Variants in PF4 observed in about 807,000 individuals in gnomAD.
The protein encoded by PF4 is C-X-C motif chemokine 4.
A neutral mutation model predicts 6.9 loss-of-function variants in PF4; 8 were observed. The ratio of observed to expected loss-of-function variants is 1.16; its 90% CI spans 0.68 to 2.09. The LOEUF is 2.09. PF4 is among the 30% of genes most tolerant of loss of function. The pLI is 0.00. For synonymous variants in PF4, 55 were observed against 56.5 expected (o/e 0.97, Z 0.12); for missense variants, 111 against 122.9 (o/e 0.90, Z 0.46).
chr4:73,982,075 T>TC (rs1718820267), upstream of PF4: 1 of 723,302 alleles, frequency 1.4e-6, no homozygotes, highest in Non-Finnish European at 2.2e-6. Flanking sequence ...GTCCTTCCAG[T>TC]CCGGAAGCCT....
chr4:73,981,887 G>T lies in PF4; in HGVS notation c.67C>A (p.Pro23Thr), dbSNP rs1435432571. 7.7e-6 allele frequency: 12 copies of T among 1,551,346 alleles called. No homozygotes were observed. The highest frequency in any genetic ancestry group is 7.8e-6 in the Non-Finnish European group (9 of 1,146,934). ...GLLFLGLLLLPLVVAFASAEA... is the reference protein window; with the variant it reads ...GLLFLGLLLLTLVVAFASAEA... ...CCGCTGGCGAAGGCGACCACAAGTGGCAGGAGCAGCAACCCCAGGAACAGC... is the reference window on the plus strand; with the variant it reads ...CCGCTGGCGAAGGCGACCACAAGTGTCAGGAGCAGCAACCCCAGGAACAGC... Residue 23 changes from proline to threonine, a missense_variant, in exon 1 of 3, where the codon CCA becomes ACA. Physicochemically the swap from Pro to Thr is conservative, Grantham distance 38. Coordinates refer to ENST00000296029, the MANE Select transcript of PF4 (RefSeq NM_002619.4).
chr4:73,981,738 C>T (rs1560544294), intron 1 of PF4, 125 bp downstream of exon 1: 1 of 1,476,280 alleles, frequency 6.8e-7, no homozygotes, highest in South Asian at 1.4e-5. Flanking sequence ...TGTGGCCAGA[C>T]ACTCAGCAGG....
In PF4 at chr4:73,982,003, C is replaced by T. The variant is rs1365515428; in HGVS notation, c.-50G>A. The T allele has an allele frequency of 2.0e-6, 3 of 1,471,776 alleles. No individual in the cohort carries two copies. In the African/African-American group the frequency reaches 4.2e-5, roughly 21 times the overall value. The allele number at this position is 1,471,776 out of a possible 1,614,324, so 91.2% of individuals were successfully genotyped here. A position where few individuals can be genotyped will look rare whatever the true frequency, so the allele number is the denominator to read the frequency against. ...TCTCAGTGCTCAGTGCGATGGGAAA[C>T]TCGGGCTGGGTCTCTGTGGCCAATG... On this transcript the variant is annotated 5_prime_UTR_variant, in exon 1 of 3. Coordinates refer to ENST00000296029, the MANE Select transcript of PF4 (RefSeq NM_002619.4).
intron 1 of PF4, 56 bp downstream of exon 1, chr4:73,981,807 C>T (rs1367351737): frequency 6.5e-7 from 1 of 1,541,324 alleles, no homozygotes; most frequent in Non-Finnish European, 8.8e-7. Flanking sequence ...AGCCCCAGGG[C>T]TTCCCGGACT....
rs1718776722 is a variant in PF4, at chr4:73,981,247, GCTTGCAGGTCCAAGCAAATTTTC to G, written c.240_262del (p.Arg80SerfsTer9). The stretch of plus-strand genomic sequence containing the variant: ...CTTAATTATTTTCTTGTACAGCGGG[GCTTGCAGGTCCAAGCAAATTTTC>G]CTTCCATTCTTCAGCGTGGCTCTGG... On this transcript the variant is annotated frameshift_variant, in exon 3 of 3. Transcript: ENST00000296029. LOFTEE classifies it low-confidence loss of function (END_TRUNC). The G allele has an allele frequency of 6.2e-7, 1 of 1,614,204 alleles. No individual in the cohort carries two copies. The highest frequency in any genetic ancestry group is 8.5e-7 in the Non-Finnish European group (1 of 1,180,010).
At chr4:73,982,115 A>G (rs1718823151), upstream of PF4, 3 of 359,206 alleles carry the variant, frequency 8.4e-6, no homozygotes, top group Non-Finnish European at 1.6e-5. Flanking sequence ...TGCGGTGCGG[A>G]AACTAAGATA....
intron 1 of PF4, 121 bp downstream of exon 1, chr4:73,981,742 C>G: frequency 3.4e-6 from 5 of 1,478,300 alleles, no homozygotes; most frequent in Non-Finnish European, 4.5e-6. Context: ...GCCAGACACT[C>G]AGCAGGCTCT....
intron 1 of PF4, 80 bp downstream of exon 1, chr4:73,981,783 G>A (rs1718803551): frequency 1.3e-6 from 2 of 1,519,546 alleles, no homozygotes; most frequent in Admixed American, 2.1e-5. Flanking sequence ...CATGATCCTA[G>A]AGGATTCCTC....
chr4:73,981,270 C>A lies in PF4; in HGVS notation c.240G>T (p.Arg80Ser), dbSNP rs4694. The change falls in exon 3 of 3, where the codon AGG (arginine) becomes AGT (serine). Residue 80 changes from arginine (R) to serine (S), a missense_variant. Coordinates refer to ENST00000296029, the MANE Select transcript of PF4 (RefSeq NM_002619.4). The part of the protein sequence containing the change: ...AQLIATLKNG[R>S]KICLDLQAPL... ...GGGCTTGCAGGTCCAAGCAAATTTT[C>A]CTTCCATTCTTCAGCGTGGCTCTGG... is the stretch of plus-strand genomic sequence containing the variant. The A allele has an allele frequency of 6.2e-7, 1 of 1,614,078 alleles. No homozygotes were observed. The highest frequency in any genetic ancestry group is 8.5e-7 in the Non-Finnish European group (1 of 1,180,038).
At chr4:73,981,662 A>T in intron 1 of PF4, 119 bp from the exon 2 acceptor site, 1 of 1,486,192 alleles carries the variant, frequency 6.7e-7, no homozygotes. Context: ...CCTTACCATA[A>T]ATCACACCTC....
rs367951530 is a variant in PF4 at position 73,981,468 on chromosome 4, G to T, written c.167C>A (p.Thr56Asn). 1.1e-4 allele frequency: 172 copies of T among 1,614,190 alleles called. No homozygotes were observed. The highest frequency in any genetic ancestry group is 1.3e-4 in the Non-Finnish European group (149 of 1,180,024). ...TCCGGCCTTGATCACCTCCAGGCTG[G>T]TGATGTGCCTGGGACGGACCTGGGA... ...TTSQVRPRHI[T>N]SLEVIKAGPH... The change falls in exon 2 of 3, where the codon ACC becomes AAC. Residue 56 changes from threonine (T) to asparagine (N), a missense_variant. Transcript: ENST00000296029.
Position 73,982,006 on chromosome 4 carries a change from G to A in PF4, c.-53C>T. ...CAGTGCTCAGTGCGATGGGAAACTC[G>A]GGCTGGGTCTCTGTGGCCAATGACT... On this transcript the variant is annotated 5_prime_UTR_variant, in exon 1 of 3. Transcript: ENST00000296029. The A allele has an allele frequency of 2.8e-6, 4 of 1,454,500 alleles. No homozygotes were observed. Among genetic ancestry groups the A allele is most frequent in the Non-Finnish European group, 3.8e-6 (4 of 1,061,840 alleles). 90.1% of individuals were successfully genotyped at this position (1,454,500 alleles called of 1,614,324 possible). A position where few individuals can be genotyped will look rare whatever the true frequency, so the allele number is the denominator to read the frequency against.
In PF4 at chr4:73,981,991, T is replaced by C; in HGVS notation, c.-38A>G. ...CTTCCAGCAGGATCTCAGTGCTCAG[T>C]GCGATGGGAAACTCGGGCTGGGTCT... is the stretch of plus-strand genomic sequence containing the variant. On this transcript the variant is annotated 5_prime_UTR_variant, in exon 1 of 3. Coordinates refer to ENST00000296029, the MANE Select transcript of PF4 (RefSeq NM_002619.4). The C allele has an allele frequency of 2.0e-6, 3 of 1,510,090 alleles. No individual in the cohort carries two copies. Among genetic ancestry groups the C allele is most frequent in the Non-Finnish European group, 1.8e-6 (2 of 1,112,164 alleles). 93.5% of individuals were successfully genotyped at this position (1,510,090 alleles called of 1,614,324 possible).
chr4:73,981,996 T>C lies in PF4; in HGVS notation c.-43A>G. 1.3e-6 allele frequency: 2 copies of C among 1,497,030 alleles called. No homozygotes were observed. Among genetic ancestry groups the C allele is most frequent in the East Asian group, 2.5e-5 (1 of 40,288 alleles). The allele number at this position is 1,497,030 out of a possible 1,614,324, so 92.7% of individuals were successfully genotyped here. ...AGCAGGATCTCAGTGCTCAGTGCGA[T>C]GGGAAACTCGGGCTGGGTCTCTGTG... On this transcript the variant is annotated 5_prime_UTR_variant, in exon 1 of 3. Coordinates refer to ENST00000296029, the MANE Select transcript of PF4 (RefSeq NM_002619.4).
At chr4:73,981,792 TC>T in intron 1 of PF4, 70 bp downstream of exon 1, 1 of 1,525,578 alleles carries the variant, frequency 6.6e-7, no homozygotes, top group Middle Eastern at 2.3e-4. Context: ...AGAGGATTCC[TC>T]CCCAGCCCCA....
chr4:73,980,950 C>CT lies in PF4; in HGVS notation c.*253_*254insA, dbSNP rs1718761902. On this transcript the variant is annotated 3_prime_UTR_variant, in exon 3 of 3. Coordinates refer to ENST00000296029, the MANE Select transcript of PF4 (RefSeq NM_002619.4). ...GCCAACATGTAACACCAAGCATAAC[C>CT]AGTATTCACACCTTCCTTCAAAATA... 8.4e-6 allele frequency: 4 copies of CT among 473,982 alleles called. No individual in the cohort carries two copies. The allele number at this position is 473,982 out of a possible 1,614,324, so 29.4% of individuals were successfully genotyped here.
At chr4:73,981,796 C>A in intron 1 of PF4, 67 bp downstream of exon 1, 1 of 1,530,088 alleles carries the variant, frequency 6.5e-7, no homozygotes, top group Non-Finnish European at 8.8e-7. Context: ...GATTCCTCCC[C>A]AGCCCCAGGG....
Position 73,981,214 on chromosome 4 carries a change from A to C in PF4, c.296T>G (p.Leu99Trp). ...GTAGGCAGCTAGTAGCTAACTCTCC[A>C]AAAGTTTCTTAATTATTTTCTTGTA... ...PLYKKIIKKL[L>W]ES is the part of the protein sequence containing the mutation. Residue 99 changes from leucine to tryptophan, a missense_variant, in exon 3 of 3, where the codon TTG (leucine) becomes TGG (tryptophan). Leu to Trp is a moderately conservative substitution (Grantham distance 61). Coordinates refer to ENST00000296029, the MANE Select transcript of PF4 (RefSeq NM_002619.4). 6.2e-7 allele frequency: 1 copy of C among 1,613,804 alleles called. No homozygotes were observed. The highest frequency in any genetic ancestry group is 8.5e-7 in the Non-Finnish European group (1 of 1,179,640).
rs1560543894 is a variant in PF4, at chr4:73,981,122, CAGA to C, written c.*79_*81del. ...AAAATCATAAGGATAACACAAATATCAGAAGTTCTTTCACAGTTAGATTGAAAC... is the reference window on the plus strand; with the variant it reads ...AAAATCATAAGGATAACACAAATATCAGTTCTTTCACAGTTAGATTGAAAC... On this transcript the variant is annotated 3_prime_UTR_variant, in exon 3 of 3. Coordinates refer to ENST00000296029, the MANE Select transcript of PF4 (RefSeq NM_002619.4). 4 of 930,410 alleles carry C rather than the reference CAGA, an allele frequency of 4.3e-6. No homozygotes were observed. 57.6% of individuals were successfully genotyped at this position (930,410 alleles called of 1,614,324 possible). A position where few individuals can be genotyped will look rare whatever the true frequency, so the allele number is the denominator to read the frequency against.
Sources: gnomAD v4.1 joint callset for allele counts on GRCh38, gnomAD v4.1.1 for gene constraint, MANE v1.5 for transcripts, NCBI Gene and HGNC (gene_info 2026-07-23, HGNC 2026-07-21) for gene names.